Variants in DTHD1 observed in about 807,000 individuals in gnomAD.
The protein encoded by DTHD1 is death domain-containing protein 1.
In DTHD1, 59 loss-of-function variants were observed where a neutral mutation model predicts 74.8. That is an observed-to-expected ratio of 0.79 (90% CI 0.64 to 0.98). DTHD1 has a LOEUF of 0.98. Ranked by LOEUF, DTHD1 falls within the 50% of genes least tolerant of loss-of-function variation. DTHD1 has a pLI of 0.00. For missense variants in DTHD1, 1,051 were observed against 1,065.4 expected (o/e 0.99, Z 0.19); for synonymous variants, 365 against 371.1 (o/e 0.98, Z 0.19).
rs1183608216 is a variant in DTHD1 at position 36,316,501 on chromosome 4, TTTTCTAA to T, written c.2340+18_2340+24del. 2.6e-6 allele frequency: 4 copies of T among 1,539,858 alleles called. No individual in the cohort carries two copies. Among genetic ancestry groups the T allele is most frequent in the Non-Finnish European group, 3.5e-6 (4 of 1,142,698 alleles). On this transcript the variant is annotated intron_variant, in intron 8 of 9. Coordinates refer to ENST00000639862, the MANE Select transcript of DTHD1 (RefSeq NM_001170700.3). ...AATTGCCAAAGGTGAGTTATTTTACTTTTCTAATTACTACATTTTGTTAATTATTTAT... is the reference window on the plus strand; with the variant it reads ...AATTGCCAAAGGTGAGTTATTTTACTTTACTACATTTTGTTAATTATTTAT...
chr4:36,306,079 G>A (rs1185888292), intron 5 of DTHD1, 112 bp from the exon 6 acceptor site: 2 of 1,040,732 alleles, frequency 1.9e-6, no homozygotes, highest in Non-Finnish European at 2.8e-6. Context: ...CTGGCACATA[G>A]TATGTACTTA....
intron 5 of DTHD1, among the ~76,000 whole-genome samples, chr4:36,299,975 A>G (rs1578448233): frequency 6.6e-6 from 1 of 152,256 alleles, no homozygotes; most frequent in East Asian, 1.9e-4. Flanking sequence ...GTCTAAAAAA[A>G]AAGTTCTACT....
chr4:36,343,020 G>A (rs561247091), intron 9 of DTHD1, among the ~76,000 whole-genome samples: 1 of 151,836 alleles, frequency 6.6e-6, no homozygotes, highest in Non-Finnish European at 1.5e-5. Context: ...GAACCCAGGA[G>A]GCGAAGGTTG....
At chr4:36,313,815 G>A (rs1019459316) in intron 7 of DTHD1, among the ~76,000 whole-genome samples, 1 of 152,098 alleles carries the variant, frequency 6.6e-6, no homozygotes, top group African/African-American at 2.4e-5. Flanking sequence ...GTCTTTCAAG[G>A]GATAGAAGGG....
chr4:36,306,435 T>C (rs1273156319), intron 6 of DTHD1, 83 bp downstream of exon 6: 13 of 1,329,922 alleles, frequency 9.8e-6, no homozygotes, highest in South Asian at 1.9e-5. Flanking sequence ...AATAGTAAGA[T>C]TAAATTTTTA....
In DTHD1 at chr4:36,284,383, A is replaced by G. The variant is rs984331303; in HGVS notation, c.679A>G (p.Met227Val). 7.2e-6 allele frequency: 11 copies of G among 1,537,072 alleles called. No homozygotes were observed. Among genetic ancestry groups the G allele is most frequent in the Non-Finnish European group, 9.6e-6 (11 of 1,146,854 alleles). Residue 227 changes from methionine to valine, a missense_variant, in exon 2 of 10, where the codon ATG (methionine) becomes GTG (valine). Transcript: ENST00000639862. ...ENEDDKQIEH[M>V]TVENINGNRE... Reference sequence around the variant, plus strand: ...TGAAGATGATAAACAAATAGAACACATGACTGTTGAGAACATAAATGGCAA... The same window carrying G: ...TGAAGATGATAAACAAATAGAACACGTGACTGTTGAGAACATAAATGGCAA...
rs147015367 is a variant in DTHD1, at chr4:36,311,962, G to A, written c.2095+3469G>A. Among the ~76,000 whole-genome samples, 352 of 152,280 alleles carry A rather than the reference G, an allele frequency of 2.3e-3. 4 individuals carry two copies. Among genetic ancestry groups the A allele is most frequent in the Non-Finnish European group, 4.0e-3 (272 of 68,006 alleles). On this transcript the variant is annotated intron_variant, in intron 7 of 9. Coordinates refer to ENST00000639862, the MANE Select transcript of DTHD1 (RefSeq NM_001170700.3). The stretch of plus-strand genomic sequence containing the variant: ...CTCTCTATTCACTTATAGAGAATAT[G>A]AATGACTTTTCAGTGAAGGTCACAG...
chr4:36,321,646 C>T (rs1226940251), intron 8 of DTHD1, among the ~76,000 whole-genome samples: 1 of 152,104 alleles, frequency 6.6e-6, no homozygotes, highest in Non-Finnish European at 1.5e-5. Flanking sequence ...TTTAACTTGC[C>T]TGAATCATCC....
intron 8 of DTHD1, among the ~76,000 whole-genome samples, chr4:36,325,318 G>A (rs757468086): frequency 1.3e-5 from 2 of 152,142 alleles, no homozygotes; most frequent in Non-Finnish European, 2.9e-5. Flanking sequence ...CCATAATTGA[G>A]GATGGAGAAA....
chr4:36,327,069 C>A (rs1758394708), intron 8 of DTHD1, among the ~76,000 whole-genome samples: 1 of 151,838 alleles, frequency 6.6e-6, no homozygotes, highest in South Asian at 2.1e-4. Flanking sequence ...TGGGTTCAAG[C>A]AATTCTCCTG....
rs1264997104 is a variant in DTHD1, at chr4:36,316,300, T to A, written c.2154T>A (p.Pro718=). ...TTATTTTTCACTTGCAAAGAAAACC[T>A]AGGCTGGAACTCCAAATCAAAGAAG... ...YTLIFHLQRK[P]RLELQIKEVD... The change falls in exon 8 of 10, where the codon CCT becomes CCA. Residue 718 remains proline, a synonymous_variant. Transcript: ENST00000639862. The A allele has an allele frequency of 6.4e-7, 1 of 1,551,892 alleles. No homozygotes were observed. The highest frequency in any genetic ancestry group is 2.4e-5 in the East Asian group (1 of 40,912).
At chr4:36,311,428 A>C (rs1221090683) in intron 7 of DTHD1, 3 of 152,332 alleles carry the variant, frequency 2.0e-5, no homozygotes, top group Non-Finnish European at 4.4e-5. Context: ...AGATAAAGCT[A>C]GAGATTCTCT....
At chr4:36,324,161 C>G (rs1343641807) in intron 8 of DTHD1, among the ~76,000 whole-genome samples, 1 of 151,310 alleles carries the variant, frequency 6.6e-6, no homozygotes, top group East Asian at 2.0e-4. Flanking sequence ...TTCTCTTGTT[C>G]CCTTTCCCTT....
chr4:36,282,142 G>A, intron 1 of DTHD1, 113 bp downstream of exon 1: 1 of 874,996 alleles, frequency 1.1e-6, no homozygotes, highest in Non-Finnish European at 1.6e-6. Flanking sequence ...CTGTCCACAA[G>A]AGACTAACAA....
intron 2 of DTHD1, 64 bp downstream of exon 2, chr4:36,284,655 G>C: frequency 8.1e-7 from 1 of 1,242,126 alleles, no homozygotes; most frequent in South Asian, 1.6e-5. Context: ...TCTATAGTTA[G>C]TACATGTCTT....
chr4:36,307,381 C>G (rs1757121984), intron 6 of DTHD1, among the ~76,000 whole-genome samples: 1 of 152,158 alleles, frequency 6.6e-6, no homozygotes, highest in South Asian at 2.1e-4. Flanking sequence ...TCTTCATGGT[C>G]TCAGGGTGTT....
At chr4:36,301,198 A>G (rs1756751742) in intron 5 of DTHD1, among the ~76,000 whole-genome samples, 2 of 152,206 alleles carry the variant, frequency 1.3e-5, no homozygotes, top group South Asian at 2.1e-4. Context: ...TGGAAGGTAT[A>G]TCTATTGCTT....
chr4:36,289,108 G>A (rs894699959), intron 2 of DTHD1, among the ~76,000 whole-genome samples: 16 of 152,008 alleles, frequency 1.1e-4, no homozygotes, highest in Admixed American at 3.3e-4. Flanking sequence ...ATTGAAAAAC[G>A]TCTAAAATCT....
chr4:36,330,414 A>T (rs1407107430), intron 8 of DTHD1, among the ~76,000 whole-genome samples: 1 of 152,162 alleles, frequency 6.6e-6, no homozygotes, highest in Non-Finnish European at 1.5e-5. Context: ...TTTTAGTCAA[A>T]TAATTTTATC....
Sources: allele counts gnomAD v4.1 joint callset (sites outside exome capture counted in the v4.1 genomes callset), GRCh38; gene constraint gnomAD v4.1.1; transcripts MANE v1.5; gene names NCBI Gene and HGNC (gene_info 2026-07-23, HGNC 2026-07-21).